Variants in PKP4 observed in about 807,000 individuals in gnomAD.
PKP4 encodes plakophilin-4.
Under a neutral mutation model 145.1 loss-of-function variants are expected in PKP4, and 90 were observed. The ratio of observed to expected loss-of-function variants is 0.62; its 90% CI spans 0.52 to 0.74. The LOEUF is 0.74. PKP4 is among the 30% of genes least tolerant of loss of function. The pLI is 0.00. For missense variants in PKP4, 1,340 were observed against 1,482.7 expected, an observed-to-expected ratio of 0.90 and a Z score of 1.58; for synonymous variants, 563 against 577.2, an observed-to-expected ratio of 0.98 and a Z score of 0.35.
chr2:158,621,197 A>G lies in PKP4; in HGVS notation c.413-34A>G, dbSNP rs79473991. 45,311 of 1,612,976 alleles carry G rather than the reference A, an allele frequency of 0.028. 759 individuals are homozygous for G. Among genetic ancestry groups the G allele is most frequent in the Non-Finnish European group, 0.033 (39,313 of 1,178,952 alleles). ...TTGAAAGCGAGTGTCAGAAGTGTGT[A>G]TAATAAAGATATTTCTTGGTTTCAT... is the stretch of plus-strand genomic sequence containing the variant. On this transcript the variant is annotated intron_variant, in intron 5 of 21. Coordinates refer to ENST00000389759, the MANE Select transcript of PKP4 (RefSeq NM_003628.6).
intron 19 of PKP4, among the ~76,000 whole-genome samples, chr2:158,674,298 G>A (rs1032899768): frequency 5.3e-5 from 8 of 152,210 alleles, no homozygotes; most frequent in Non-Finnish European, 1.2e-4. Context: ...ACAGGGGATC[G>A]GGGTGCCTGA....
chr2:158,668,548 C>A (rs2105999368), intron 16 of PKP4, among the ~76,000 whole-genome samples: 1 of 152,356 alleles, frequency 6.6e-6, no homozygotes, highest in African/African-American at 2.4e-5. Context: ...CTCGGCCTAA[C>A]CCCCAGGAGT....
rs112686478 is a variant in PKP4, at chr2:158,498,990, G to A, written c.-5-34190G>A. Among the ~76,000 whole-genome samples, 205 of 152,218 alleles carry A rather than the reference G, an allele frequency of 1.3e-3. 1 individual carries two copies. Among genetic ancestry groups the A allele is most frequent in the African/African-American group, 4.7e-3 (197 of 41,536 alleles). On this transcript the variant is annotated intron_variant, in intron 1 of 21. Transcript: ENST00000389759. ...ACCTAAGGATTAAGCCCACGGGGCT[G>A]GTGCATTAGCTCAGTGCTCCTGGAT... is the stretch of plus-strand genomic sequence containing the variant.
Position 158,673,928 on chromosome 2 carries a change from G to A in PKP4, c.3055G>A (p.Glu1019Lys). ...NHFITPVSTL[E>K]RDRFKSHPSL... is the part of the protein sequence containing the mutation. The stretch of plus-strand genomic sequence containing the variant: ...TTTTATTACACCTGTGTCGACATTG[G>A]AGCGAGACCGATTCAAATCACATCC... Residue 1019 changes from glutamate to lysine, a missense_variant, in exon 19 of 22, where the codon GAG becomes AAG. Transcript: ENST00000389759. 6.2e-7 allele frequency: 1 copy of A among 1,613,360 alleles called. No homozygotes were observed.
At chr2:158,520,041 T>G (rs2042241264) in intron 1 of PKP4, among the ~76,000 whole-genome samples, 1 of 152,230 alleles carries the variant, frequency 6.6e-6, no homozygotes, top group Non-Finnish European at 1.5e-5. Flanking sequence ...TTTCCTTCTT[T>G]CCTCTATATA....
chr2:158,527,004 G>T (rs1481020717), intron 1 of PKP4, among the ~76,000 whole-genome samples: 1 of 122,910 alleles, frequency 8.1e-6, no homozygotes, highest in Non-Finnish European at 1.7e-5. Context: ...ACAAATGGAA[G>T]AACATTCCAT....
chr2:158,589,277 G>T (rs2049053500), intron 3 of PKP4, among the ~76,000 whole-genome samples: 1 of 151,928 alleles, frequency 6.6e-6, no homozygotes, highest in Non-Finnish European at 1.5e-5. Context: ...GCTTTGATTT[G>T]GTTTTATTTA....
At chr2:158,527,390 A>T (rs1330170546) in intron 1 of PKP4, among the ~76,000 whole-genome samples, 4 of 109,068 alleles carry the variant, frequency 3.7e-5, no homozygotes, top group African/African-American at 1.5e-4. Flanking sequence ...TGGGGAAAGG[A>T]TTCCCTATTT....
chr2:158,605,134 T>C (rs2105855093), intron 4 of PKP4, among the ~76,000 whole-genome samples: 1 of 152,342 alleles, frequency 6.6e-6, no homozygotes, highest in Middle Eastern at 3.4e-3. Context: ...TGTGTGTGGA[T>C]GGTAGACCCT....
intron 17 of PKP4, 46 bp downstream of exon 17, chr2:158,669,961 A>G (rs762736725): frequency 5.4e-6 from 8 of 1,485,410 alleles, no homozygotes; most frequent in Non-Finnish European, 6.4e-6. Flanking sequence ...TATTCCTGAG[A>G]TTGTCCTGTG....
chr2:158,638,000 A>G (rs2053957879), intron 9 of PKP4, among the ~76,000 whole-genome samples: 1 of 152,230 alleles, frequency 6.6e-6, no homozygotes, highest in Non-Finnish European at 1.5e-5. Flanking sequence ...GGCACCGGGG[A>G]TGTCAGGAAA....
In PKP4 at chr2:158,621,227, A is replaced by G. The variant is rs769977484; in HGVS notation, c.413-4A>G. 2 of 1,614,054 alleles carry G rather than the reference A, an allele frequency of 1.2e-6. No homozygotes were observed. Among genetic ancestry groups the G allele is most frequent in the Non-Finnish European group, 1.7e-6 (2 of 1,179,896 alleles). ...AAAGATATTTCTTGGTTTCATTCTTACAGGATCATTGGGTAACTCAAGAAG... is the reference window on the plus strand; with the variant it reads ...AAAGATATTTCTTGGTTTCATTCTTGCAGGATCATTGGGTAACTCAAGAAG... On this transcript the variant is annotated splice_region_variant and splice_polypyrimidine_tract_variant and intron_variant, in intron 5 of 21. Coordinates refer to ENST00000389759, the MANE Select transcript of PKP4 (RefSeq NM_003628.6).
At chr2:158,676,913 A>G (rs1178875444) in intron 20 of PKP4, 46 bp downstream of exon 20, 4 of 1,612,820 alleles carry the variant, frequency 2.5e-6, no homozygotes, top group Admixed American at 3.3e-5. Context: ...GAAAAGCCGC[A>G]TTTCCAGGCG....
At chr2:158,585,479 A>G (rs2048725351) in intron 3 of PKP4, among the ~76,000 whole-genome samples, 1 of 152,192 alleles carries the variant, frequency 6.6e-6, no homozygotes, top group African/African-American at 2.4e-5. Flanking sequence ...TGATATTACT[A>G]AAAATCCTAA....
chr2:158,560,116 C>T lies in PKP4; in HGVS notation c.133-17155C>T, dbSNP rs550891596. Among the ~76,000 whole-genome samples the T allele has an allele frequency of 1.5e-4, 23 of 152,294 alleles. No individual in the cohort carries two copies. In the South Asian group the frequency reaches 4.6e-3, roughly 30 times the overall value. ...TCCTGGCCTCAAGTGATCTGCCCTCCTCAGCCTCCCAAAGTGCTAGGATTA... is the reference window on the plus strand; with the variant it reads ...TCCTGGCCTCAAGTGATCTGCCCTCTTCAGCCTCCCAAAGTGCTAGGATTA... On this transcript the variant is annotated intron_variant, in intron 2 of 21. Coordinates refer to ENST00000389759, the MANE Select transcript of PKP4 (RefSeq NM_003628.6).
At position 158,674,012 on chromosome 2, in the gene PKP4, A is replaced by T; in HGVS notation, c.3127+12A>T. On this transcript the variant is annotated intron_variant, in intron 19 of 21. Coordinates refer to ENST00000389759, the MANE Select transcript of PKP4 (RefSeq NM_003628.6). ...CATCATTCAGTCAGGTCAGTGGGAA[A>T]ATGCCACTCCTTGGCGAGAACCTTT... The T allele has an allele frequency of 1.5e-6, 2 of 1,369,414 alleles. No homozygotes were observed. The highest frequency in any genetic ancestry group is 2.1e-6 in the Non-Finnish European group (2 of 956,120). The allele number at this position is 1,369,414 out of a possible 1,614,324, so 84.8% of individuals were successfully genotyped here. A position where few individuals can be genotyped will look rare whatever the true frequency, so the allele number is the denominator to read the frequency against.
At chr2:158,675,500 A>G (rs1389643688) in intron 19 of PKP4, among the ~76,000 whole-genome samples, 1 of 152,156 alleles carries the variant, frequency 6.6e-6, no homozygotes, top group South Asian at 2.1e-4. Flanking sequence ...TACCTGCTGG[A>G]CAGTGTTGGC....
At chr2:158,656,366 A>AC (rs3836172) in intron 11 of PKP4, among the ~76,000 whole-genome samples, 138,634 of 152,194 alleles carry the variant, frequency 0.91, 63,230 homozygotes, top group East Asian at 0.97. Context: ...CTGCCTTCTA[A>AC]CGGGACCCTA....
At chr2:158,637,022 A>T (rs2053864871) in intron 9 of PKP4, among the ~76,000 whole-genome samples, 2 of 152,026 alleles carry the variant, frequency 1.3e-5, no homozygotes. Flanking sequence ...TATAAGTCAT[A>T]TGTTTCTGTT....
Sources: gnomAD v4.1 joint callset for allele counts (sites outside exome capture counted in the v4.1 genomes callset) on GRCh38, gnomAD v4.1.1 for gene constraint, MANE v1.5 for transcripts, NCBI Gene and HGNC (gene_info 2026-07-23, HGNC 2026-07-21) for gene names.